The following GRIK3 variants were observed in gnomAD, a reference collection of about 807,000 sequenced individuals.
GRIK3 encodes glutamate ionotropic receptor kainate type subunit 3, also known as glutamate receptor ionotropic, kainate 3.
Under a neutral mutation model 102.5 loss-of-function variants are expected in GRIK3, and 29 were observed. That is an observed-to-expected ratio of 0.28 (90% CI 0.21 to 0.39). The LOEUF (loss-of-function observed/expected upper bound fraction) is 0.39, where lower values mean the gene tolerates loss of function less well. Ranked by LOEUF, GRIK3 falls within the 10% of genes least tolerant of loss-of-function variation. The probability of loss-of-function intolerance (pLI) is 1.00; values close to 1 mark genes in which losing one functional copy is unlikely to be tolerated. For synonymous variants in GRIK3, 511 were observed against 504.9 expected (o/e 1.01, Z -0.16); for missense variants, 908 against 1,252.4 (o/e 0.73, Z 4.15).
At chr1:36,882,623 T>C (rs1170922889) in intron 2 of GRIK3, among the ~76,000 whole-genome samples, 1 of 151,900 alleles carries the variant, frequency 6.6e-6, no homozygotes, top group Non-Finnish European at 1.5e-5. Flanking sequence ...TTCACAGCCA[T>C]GAGTTTAGAG....
At position 36,948,690 on chromosome 1, in the gene GRIK3, C is replaced by T. The variant is rs1641809989; in HGVS notation, c.116-57594G>A. Among the ~76,000 whole-genome samples, 3 of 152,194 alleles carry T rather than the reference C, an allele frequency of 2.0e-5. No homozygotes were observed. The South Asian group carries it at 6.2e-4, about 32-fold the overall frequency. On this transcript the variant is annotated intron_variant, in intron 1 of 15. Transcript: ENST00000373091. ...TGCACACAGCTCCATGCCGGCTCCT[C>T]ACCAGCAAGGCCCAGTGTAGGAACC...
intron 10 of GRIK3, among the ~76,000 whole-genome samples, chr1:36,836,541 G>A (rs1005432598): frequency 4.6e-5 from 7 of 152,248 alleles, no homozygotes; most frequent in African/African-American, 1.7e-4. Context: ...TGCACTCAGT[G>A]TTACTGGGAA....
At chr1:36,898,476 A>G (rs1383811263) in intron 1 of GRIK3, among the ~76,000 whole-genome samples, 1 of 152,204 alleles carries the variant, frequency 6.6e-6, no homozygotes, top group Non-Finnish European at 1.5e-5. Context: ...TGTACCCACA[A>G]AAAATAAAAT....
intron 1 of GRIK3, among the ~76,000 whole-genome samples, chr1:37,013,286 G>A (rs1001411347): frequency 6.6e-6 from 1 of 152,238 alleles, no homozygotes; most frequent in Non-Finnish European, 1.5e-5. Flanking sequence ...GGAGCTACAA[G>A]ATGAGATCTG....
chr1:36,990,475 G>A (rs1642353380), intron 1 of GRIK3, among the ~76,000 whole-genome samples: 1 of 152,196 alleles, frequency 6.6e-6, no homozygotes, highest in African/African-American at 2.4e-5. Context: ...GCTTCAGGCA[G>A]TCTCTGAGGC....
intron 1 of GRIK3, among the ~76,000 whole-genome samples, chr1:36,909,455 T>G (rs1641321473): frequency 6.6e-6 from 1 of 152,134 alleles, no homozygotes; most frequent in African/African-American, 2.4e-5. Flanking sequence ...CACGCCACCA[T>G]GCCTGGCTAA....
At chr1:36,940,256 T>C (rs1641704303) in intron 1 of GRIK3, among the ~76,000 whole-genome samples, 1 of 152,218 alleles carries the variant, frequency 6.6e-6, no homozygotes, top group South Asian at 2.1e-4. Context: ...TGTCTCCACC[T>C]CCGTCCTGTG....
intron 2 of GRIK3, among the ~76,000 whole-genome samples, chr1:36,882,529 G>A (rs1640992374): frequency 6.6e-6 from 1 of 152,084 alleles, no homozygotes; most frequent in Admixed American, 6.5e-5. Context: ...TTTTCCTTGG[G>A]GCTTCACCCC....
Position 36,801,842 on chromosome 1 carries a change from C to A in GRIK3, c.*9G>T. On this transcript the variant is annotated 3_prime_UTR_variant, in exon 16 of 16. Coordinates refer to ENST00000373091, the MANE Select transcript of GRIK3 (RefSeq NM_000831.4). ...GCCCCCAGGCCTGAGGTCCCCACCC[C>A]AGCTGTGCCTAGGGGAACACAGGGG... The A allele has an allele frequency of 6.3e-7, 1 of 1,589,622 alleles. No individual in the cohort carries two copies. Among genetic ancestry groups the A allele is most frequent in the Non-Finnish European group, 8.6e-7 (1 of 1,167,102 alleles).
chr1:36,844,262 C>A (rs909035352), intron 9 of GRIK3, among the ~76,000 whole-genome samples: 1 of 152,226 alleles, frequency 6.6e-6, no homozygotes, highest in Non-Finnish European at 1.5e-5. Context: ...GGAAGCTGGA[C>A]CCTCGGCTAG....
At chr1:36,963,551 C>T (rs1642039133) in intron 1 of GRIK3, among the ~76,000 whole-genome samples, 2 of 152,172 alleles carry the variant, frequency 1.3e-5, no homozygotes, top group Non-Finnish European at 2.9e-5. Flanking sequence ...TTACTCGCTC[C>T]CTTTGAACAT....
chr1:36,954,167 G>A (rs902259222), intron 1 of GRIK3, among the ~76,000 whole-genome samples: 10 of 152,348 alleles, frequency 6.6e-5, no homozygotes, highest in African/African-American at 2.4e-4. Flanking sequence ...TTCTCAGGGT[G>A]AGATAGAGGG....
intron 1 of GRIK3, among the ~76,000 whole-genome samples, chr1:36,941,921 C>G (rs1000392004): frequency 2.6e-5 from 4 of 152,184 alleles, no homozygotes; most frequent in African/African-American, 9.7e-5. Flanking sequence ...AGCCTATCCC[C>G]CCCTCACCCT....
At chr1:36,952,646 G>A (rs1641858867) in intron 1 of GRIK3, among the ~76,000 whole-genome samples, 1 of 152,158 alleles carries the variant, frequency 6.6e-6, no homozygotes, top group Non-Finnish European at 1.5e-5. Context: ...TCAACAGTGG[G>A]GAGGAACTTG....
At chr1:36,904,776 G>A (rs1320393189) in intron 1 of GRIK3, among the ~76,000 whole-genome samples, 1 of 152,162 alleles carries the variant, frequency 6.6e-6, no homozygotes, top group Admixed American at 6.5e-5. Flanking sequence ...GGGTACAGAT[G>A]GGGCAGAAGA....
At chr1:36,973,088 G>A (rs532002414) in intron 1 of GRIK3, among the ~76,000 whole-genome samples, 6 of 152,296 alleles carry the variant, frequency 3.9e-5, no homozygotes, top group African/African-American at 1.2e-4. Flanking sequence ...GACAACAGAG[G>A]AAAAGCAAAT....
At chr1:37,009,097 A>AATC (rs1642561889) in intron 1 of GRIK3, among the ~76,000 whole-genome samples, 1 of 151,948 alleles carries the variant, frequency 6.6e-6, no homozygotes, top group African/African-American at 2.4e-5. Context: ...TAATAATAAT[A>AATC]ATAATAATAT....
At chr1:36,857,608 C>T (rs1403795093) in intron 7 of GRIK3, among the ~76,000 whole-genome samples, 7 of 152,220 alleles carry the variant, frequency 4.6e-5, no homozygotes, top group Admixed American at 1.3e-4. Context: ...TCTGAAGCCA[C>T]ACAGCTGGGA....
At chr1:36,915,782 A>G (rs569845785) in intron 1 of GRIK3, among the ~76,000 whole-genome samples, 1 of 152,350 alleles carries the variant, frequency 6.6e-6, no homozygotes, top group Non-Finnish European at 1.5e-5. Context: ...GCTCCCAGCC[A>G]CATGGAACTG....
Sources: allele counts gnomAD v4.1 joint callset (sites outside exome capture counted in the v4.1 genomes callset), GRCh38; gene constraint gnomAD v4.1.1; transcripts MANE v1.5; gene names NCBI Gene and HGNC (gene_info 2026-07-23, HGNC 2026-07-21).